The following ZNF717 variants were observed in gnomAD, a reference collection of about 807,000 sequenced individuals.
The protein encoded by ZNF717 is krueppel-like factor X17.
In ZNF717, 9 loss-of-function variants were observed where a neutral mutation model predicts 13.8. The observed-to-expected ratio is 0.65, with a 90% CI of 0.39 to 1.14. The LOEUF (loss-of-function observed/expected upper bound fraction) is 1.14, where lower values mean the gene tolerates loss of function less well. Among genes scored for constraint, ZNF717 ranks in the 50% most tolerant of loss-of-function variants. The probability of loss-of-function intolerance (pLI) is 0.01; values close to 1 mark genes in which losing one functional copy is unlikely to be tolerated. For synonymous variants in ZNF717, 327 were observed against 364.1 expected, an observed-to-expected ratio of 0.90 and a Z score of 1.16; for missense variants, 1,040 against 1,080.7, an observed-to-expected ratio of 0.96 and a Z score of 0.53.
rs905133487 is a variant in ZNF717, at chr3:75,739,218, A to G, written c.405T>C (p.Asn135=). The change falls in exon 5 of 5, where the codon AAT becomes AAC. Residue 135 remains asparagine (N), a synonymous_variant. Transcript: ENST00000652011. ...GATTTAAAACATGGTTTGAGTTCAA[A>G]TTAAATGTTTTTCCTAATTCAACTC... The part of the protein sequence containing the change: ...QERVELGKTF[N]LNSNHVLNLI... 2.2e-5 allele frequency: 34 copies of G among 1,550,684 alleles called. No homozygotes were observed. The highest frequency in any genetic ancestry group is 2.8e-5 in the Non-Finnish European group (32 of 1,146,596).
chr3:75,696,176 A>T (rs112609291), intron 6 of ZNF717, among the ~76,000 whole-genome samples: 6,820 of 113,016 alleles, frequency 0.06, no homozygotes, highest in Middle Eastern at 0.16. Context: ...AGTGGTTACT[A>T]TCAGCAATTG....
downstream of ZNF717, among the ~76,000 whole-genome samples, chr3:75,734,813 A>ATTTTT (rs1196032873): frequency 3.3e-5 from 2 of 60,078 alleles, no homozygotes; most frequent in African/African-American, 1.8e-4. Context: ...ATATATATAT[A>ATTTTT]TATATTTTTT....
downstream of ZNF717, among the ~76,000 whole-genome samples, chr3:75,726,684 T>C (rs74470822): frequency 3.9e-5 from 6 of 152,254 alleles, no homozygotes; most frequent in South Asian, 2.1e-4. Context: ...ATGAGAGAGA[T>C]AGATGCAGTC....
In ZNF717 at chr3:75,712,681, G is replaced by A. The variant is rs1483685337; in HGVS notation, n.668-1365C>T. 3.4e-3 allele frequency among the ~76,000 whole-genome samples: 523 copies of A among 152,132 alleles called. 4 individuals carry two copies. The highest frequency in any genetic ancestry group is 0.012 in the African/African-American group (504 of 41,516). ...TACCACACAAGATTCTTTGTCATGT[G>A]AAATATTTCTTTTCTTTTCAACCTT... is the stretch of plus-strand genomic sequence containing the variant. On this transcript the variant is annotated intron_variant and non_coding_transcript_variant, in intron 5 of 5. Transcript: ENST00000491507.
downstream of ZNF717, among the ~76,000 whole-genome samples, chr3:75,704,924 A>T: frequency 6.6e-6 from 1 of 152,310 alleles, no homozygotes; most frequent in Non-Finnish European, 1.5e-5. Flanking sequence ...ATCAGCAGTA[A>T]CCTCTCCATC....
exon 6 of ZNF717, chr3:75,710,676 C>A (rs1298445064): frequency 2.0e-5 from 3 of 152,150 alleles, no homozygotes; most frequent in Non-Finnish European, 4.4e-5. Context: ...ATACATCAGG[C>A]ACAAGTTTAT....
chr3:75,718,808 G>GCCACCACTCACC (rs1938113954), intron 4 of ZNF717, among the ~76,000 whole-genome samples: 1 of 152,142 alleles, frequency 6.6e-6, no homozygotes, highest in African/African-American at 2.4e-5. Flanking sequence ...TGCTCACTCA[G>GCCACCACTCACC]CCACCACTCA....
At chr3:75,729,206 C>T (rs1938372912), downstream of ZNF717, among the ~76,000 whole-genome samples, 2 of 152,110 alleles carry the variant, frequency 1.3e-5, no homozygotes, top group African/African-American at 4.8e-5. Context: ...ATGCCTTTGG[C>T]TCAGTGAATC....
At chr3:75,720,492 G>A (rs1279883956) in intron 4 of ZNF717, among the ~76,000 whole-genome samples, 12 of 152,100 alleles carry the variant, frequency 7.9e-5, no homozygotes, top group African/African-American at 2.4e-4. Context: ...CAAGGAGGGA[G>A]GAGGGAATGG....
intron 5 of ZNF717, among the ~76,000 whole-genome samples, chr3:75,711,706 T>C (rs1937942029): frequency 1.3e-5 from 2 of 152,208 alleles, no homozygotes; most frequent in African/African-American, 2.4e-5. Flanking sequence ...GAGCCAAGAC[T>C]GTACCACTGT....
At chr3:75,781,238 A>T (rs1461645298) in intron 2 of ZNF717, among the ~76,000 whole-genome samples, 1 of 152,286 alleles carries the variant, frequency 6.6e-6, no homozygotes, top group East Asian at 1.9e-4. Context: ...CAGTGGCCAA[A>T]CTTCAACCAC....
intron 2 of ZNF717, among the ~76,000 whole-genome samples, chr3:75,749,073 G>T (rs543013766): frequency 2.7e-5 from 4 of 149,966 alleles, no homozygotes; most frequent in African/African-American, 7.5e-5. Flanking sequence ...TGTCCATCAC[G>T]TAAGATTCCA....
At chr3:75,771,857 T>C (rs1943914080) in intron 2 of ZNF717, among the ~76,000 whole-genome samples, 1 of 152,224 alleles carries the variant, frequency 6.6e-6, no homozygotes, top group African/African-American at 2.4e-5. Context: ...GGCTCAGTCA[T>C]ACCTGGTCCT....
rs577562955 is a variant in ZNF717 at position 75,762,309 on chromosome 3, C to T, written c.58-20573G>A. Reference sequence around the variant, plus strand: ...CCAAAAAATTAGCTGGGCATGGTGGCGTGCACCTGTGATCCCAGCTACTTG... The same window carrying T: ...CCAAAAAATTAGCTGGGCATGGTGGTGTGCACCTGTGATCCCAGCTACTTG... On this transcript the variant is annotated intron_variant, in intron 2 of 4. Transcript: ENST00000652011. Among the ~76,000 whole-genome samples, 15 of 151,914 alleles carry T rather than the reference C, an allele frequency of 9.9e-5. No homozygotes were observed. In the East Asian group the frequency reaches 2.2e-3, roughly 22 times the overall value.
downstream of ZNF717, among the ~76,000 whole-genome samples, chr3:75,708,966 GGGA>G (rs1330681268): frequency 6.6e-6 from 1 of 151,632 alleles, no homozygotes. Flanking sequence ...ACAGAGGGAG[GGGA>G]GAAGTGCCAC....
chr3:75,746,440 C>T (rs1262311898), intron 2 of ZNF717, among the ~76,000 whole-genome samples: 3 of 152,132 alleles, frequency 2.0e-5, no homozygotes, highest in Non-Finnish European at 4.4e-5. Context: ...AGTTCTACGT[C>T]CCTGAGGAAT....
rs764208988 is a variant in ZNF717 at position 75,778,167 on chromosome 3, G to C, written c.57+5139C>G. Among the ~76,000 whole-genome samples, 3 of 151,802 alleles carry C rather than the reference G, an allele frequency of 2.0e-5. 1 individual carries two copies. Among genetic ancestry groups the C allele is most frequent in the Non-Finnish European group, 4.4e-5 (3 of 67,970 alleles). On this transcript the variant is annotated intron_variant, in intron 2 of 4. Transcript: ENST00000652011. ...AAAACCAGAACCCAAAACAATGGGA[G>C]TGACCTGCTAAACTAGAAACCCAAA...
chr3:75,732,033 G>A, downstream of ZNF717: 1 of 702,476 alleles, frequency 1.4e-6, no homozygotes, highest in Non-Finnish European at 2.6e-6. Flanking sequence ...ATCCAGTTAT[G>A]AGGGAGCATA....
At chr3:75,775,196 T>A (rs1944217058) in intron 2 of ZNF717, among the ~76,000 whole-genome samples, 1 of 152,058 alleles carries the variant, frequency 6.6e-6, no homozygotes, top group Non-Finnish European at 1.5e-5. Flanking sequence ...ACTCCTGACC[T>A]CAGGTGATCC....
Sources: gnomAD v4.1 joint callset for allele counts (sites outside exome capture counted in the v4.1 genomes callset) on GRCh38, gnomAD v4.1.1 for gene constraint, MANE v1.5 for transcripts, NCBI Gene and HGNC (gene_info 2026-07-23, HGNC 2026-07-21) for gene names.